Variants in AUTS2 observed in about 807,000 individuals in gnomAD.
AUTS2 encodes the protein activator of transcription and developmental regulator AUTS2.
AUTS2 carries 17 observed loss-of-function variants against 112.4 expected under a neutral mutation model. The ratio of observed to expected loss-of-function variants is 0.15; its 90% CI spans 0.10 to 0.23. The LOEUF (loss-of-function observed/expected upper bound fraction) is 0.23. Among genes scored for constraint, AUTS2 ranks in the 10% least tolerant of loss-of-function variants. The probability of loss-of-function intolerance (pLI) is 1.00; values close to 1 mark genes in which losing one functional copy is unlikely to be tolerated. For missense variants in AUTS2, 1,510 were observed against 1,701.6 expected (o/e 0.89, Z 1.98); for synonymous variants, 751 against 702.7 (o/e 1.07, Z -1.09).
intron 5 of AUTS2, among the ~76,000 whole-genome samples, chr7:70,488,938 A>C (rs1798131214): frequency 1.3e-5 from 2 of 152,174 alleles, no homozygotes; most frequent in African/African-American, 4.8e-5. Context: ...TACACAGGAA[A>C]AGTTCCCATT....
intron 1 of AUTS2, among the ~76,000 whole-genome samples, chr7:69,655,741 A>G (rs980603722): frequency 3.9e-5 from 6 of 152,110 alleles, no homozygotes; most frequent in African/African-American, 1.4e-4. Context: ...AAGGCTCCCT[A>G]CTGGGTCAGG....
chr7:70,073,397 G>A (rs1802879179), intron 2 of AUTS2, among the ~76,000 whole-genome samples: 2 of 151,692 alleles, frequency 1.3e-5, no homozygotes, highest in African/African-American at 2.4e-5. Context: ...TGTAATCCCA[G>A]CTACTCGGGG....
intron 2 of AUTS2, among the ~76,000 whole-genome samples, chr7:70,009,175 A>G (rs1254320327): frequency 6.6e-6 from 1 of 152,114 alleles, no homozygotes; most frequent in Non-Finnish European, 1.5e-5. Flanking sequence ...AGAGCATGAG[A>G]GCAAGAGGAA....
intron 5 of AUTS2, among the ~76,000 whole-genome samples, chr7:70,684,602 G>A (rs1412070977): frequency 6.6e-6 from 1 of 150,838 alleles, no homozygotes; most frequent in African/African-American, 2.4e-5. Flanking sequence ...GTTGTGGTAT[G>A]GTGTGTGTGG....
At chr7:70,742,632 C>T (rs1322811305) in intron 6 of AUTS2, among the ~76,000 whole-genome samples, 19 of 152,042 alleles carry the variant, frequency 1.2e-4, no homozygotes, top group Non-Finnish European at 2.9e-5. Flanking sequence ...CGTGGTGGCG[C>T]GTGCCTGTAA....
intron 2 of AUTS2, among the ~76,000 whole-genome samples, chr7:70,010,258 A>C (rs1057213660): frequency 6.6e-6 from 1 of 151,932 alleles, no homozygotes; most frequent in Non-Finnish European, 1.5e-5. Flanking sequence ...TGATCCTCCC[A>C]CCTCAGCCTC....
chr7:70,601,385 A>G (rs147184366), intron 5 of AUTS2, among the ~76,000 whole-genome samples: 151 of 152,284 alleles, frequency 9.9e-4, no homozygotes, highest in African/African-American at 3.4e-3. Flanking sequence ...GGAATCCCTC[A>G]GTATGTCAGC....
chr7:70,522,821 A>C (rs915816928), intron 5 of AUTS2, among the ~76,000 whole-genome samples: 4 of 152,202 alleles, frequency 2.6e-5, no homozygotes, highest in Non-Finnish European at 4.4e-5. Flanking sequence ...GCGTATGCCC[A>C]GTAATGAGAT....
At chr7:70,115,390 G>C (rs1258687868) in intron 2 of AUTS2, among the ~76,000 whole-genome samples, 2 of 152,160 alleles carry the variant, frequency 1.3e-5, no homozygotes, top group Non-Finnish European at 2.9e-5. Flanking sequence ...TTCTGGGCTG[G>C]TCTCGAACTC....
chr7:70,611,579 T>G (rs902908086), intron 5 of AUTS2, among the ~76,000 whole-genome samples: 4 of 152,244 alleles, frequency 2.6e-5, no homozygotes, highest in African/African-American at 9.6e-5. Context: ...AACATAATCC[T>G]AACTAATCCA....
intron 1 of AUTS2, among the ~76,000 whole-genome samples, chr7:69,632,100 C>T (rs1794272740): frequency 6.6e-6 from 1 of 152,138 alleles, no homozygotes; most frequent in Admixed American, 6.5e-5. Context: ...TGGTATAGTT[C>T]CTCTGGAGCT....
intron 2 of AUTS2, among the ~76,000 whole-genome samples, chr7:70,050,289 G>A (rs1413078848): frequency 2.7e-5 from 4 of 148,118 alleles, no homozygotes; most frequent in Non-Finnish European, 4.4e-5. Flanking sequence ...TCCATGAGGT[G>A]GAGGTTGCAG....
At chr7:70,557,925 C>T (rs1485830573) in intron 5 of AUTS2, among the ~76,000 whole-genome samples, 3 of 152,160 alleles carry the variant, frequency 2.0e-5, no homozygotes, top group Admixed American at 6.5e-5. Flanking sequence ...TTCACTAAAT[C>T]GCCAAGAACA....
chr7:69,692,219 G>T (rs1487940429), intron 1 of AUTS2, among the ~76,000 whole-genome samples: 1 of 152,208 alleles, frequency 6.6e-6, no homozygotes, highest in South Asian at 2.1e-4. Flanking sequence ...TAGAACAAAC[G>T]TAATTTTTTG....
rs561355019 is a variant in AUTS2 at position 70,105,940 on chromosome 7, A to G, written c.523-12192A>G. Among the ~76,000 whole-genome samples the G allele has an allele frequency of 1.0e-3, 154 of 152,308 alleles. 1 individual carries two copies. Among genetic ancestry groups the G allele is most frequent in the Non-Finnish European group, 1.8e-3 (121 of 68,022 alleles). On this transcript the variant is annotated intron_variant, in intron 2 of 18. Coordinates refer to ENST00000342771, the MANE Select transcript of AUTS2 (RefSeq NM_015570.4). ...TTCTCATAAATTTATATTAATCAGT[A>G]AAATCATGCCAAGAATTAGAAGTTT...
At chr7:69,911,701 G>A (rs1158574368) in intron 2 of AUTS2, among the ~76,000 whole-genome samples, 2 of 152,126 alleles carry the variant, frequency 1.3e-5, no homozygotes, top group South Asian at 2.1e-4. Context: ...CTGGTAGTCC[G>A]ATGTCTGTTT....
At chr7:69,822,771 G>A (rs1381643121) in intron 1 of AUTS2, among the ~76,000 whole-genome samples, 4 of 152,182 alleles carry the variant, frequency 2.6e-5, no homozygotes, top group African/African-American at 9.7e-5. Flanking sequence ...AGAGTTGAGA[G>A]TGGAGTCCAA....
At chr7:70,207,936 AG>A (rs112094307) in intron 4 of AUTS2, among the ~76,000 whole-genome samples, 2 of 145,502 alleles carry the variant, frequency 1.4e-5, no homozygotes, top group African/African-American at 5.1e-5. Flanking sequence ...GCTTGAACCC[AG>A]GAGGCAGAGG....
chr7:70,190,327 G>T (rs1424606210), intron 4 of AUTS2, among the ~76,000 whole-genome samples: 1 of 152,144 alleles, frequency 6.6e-6, no homozygotes, highest in East Asian at 1.9e-4. Context: ...GTATATTAAG[G>T]ACTAAAGGGG....
Sources: gnomAD v4.1 joint callset for allele counts (sites outside exome capture counted in the v4.1 genomes callset) on GRCh38, gnomAD v4.1.1 for gene constraint, MANE v1.5 for transcripts, NCBI Gene and HGNC (gene_info 2026-07-23, HGNC 2026-07-21) for gene names.